The following DDX60 variants were observed in gnomAD, a reference collection of about 807,000 sequenced individuals.
DDX60 encodes probable ATP-dependent RNA helicase DDX60.
Under a neutral mutation model 212.8 loss-of-function variants are expected in DDX60, and 165 were observed. The observed-to-expected ratio is 0.78, with a 90% CI of 0.68 to 0.88. DDX60 has a LOEUF of 0.88. Ranked by LOEUF, DDX60 falls within the 40% of genes least tolerant of loss-of-function variation. The pLI, the probability that DDX60 is intolerant of heterozygous loss-of-function variation, is 0.00. For missense variants in DDX60, 1,905 were observed against 2,003.9 expected (o/e 0.95, Z 0.94); for synonymous variants, 703 against 685.3 (o/e 1.03, Z -0.40).
chr4:168,297,384 GAAAGAAAGAAAGAAAGAAAGA>G (rs1736446103), intron 6 of DDX60, among the ~76,000 whole-genome samples: 1 of 71,262 alleles, frequency 1.4e-5, no homozygotes, highest in African/African-American at 7.4e-5. Flanking sequence ...GAAAGAAAGA[GAAAGAAAGAAAGAAAGAAAGA>G]CAATAAATAA....
At chr4:168,322,015 T>C (rs187587070), upstream of DDX60, among the ~76,000 whole-genome samples, 1 of 152,316 alleles carries the variant, frequency 6.6e-6, no homozygotes, top group East Asian at 1.9e-4. Context: ...ATCCATTGGC[T>C]ACACTTCTTC....
chr4:168,243,382 A>C (rs1733916345), intron 30 of DDX60, among the ~76,000 whole-genome samples: 1 of 152,218 alleles, frequency 6.6e-6, no homozygotes, highest in Non-Finnish European at 1.5e-5. Context: ...TAATATCCAG[A>C]GTCTACAAGG....
rs533935494 is a variant in DDX60 at position 168,289,433 on chromosome 4, C to CT, written c.1042-1119dup. 2.3e-3 allele frequency among the ~76,000 whole-genome samples: 345 copies of CT among 152,260 alleles called. 1 individual carries two copies. Among genetic ancestry groups the CT allele is most frequent in the African/African-American group, 5.8e-3 (243 of 41,556 alleles). ...TCTTTTGCCACTGTCTCAACCCATA[C>CT]TTAAGTGTTTAATATTGGAATATTT... is the stretch of plus-strand genomic sequence containing the variant. On this transcript the variant is annotated intron_variant, in intron 8 of 37. Coordinates refer to ENST00000393743, the MANE Select transcript of DDX60 (RefSeq NM_017631.6).
rs1342668175 is a variant in DDX60, at chr4:168,306,718, A to C, written c.267T>G (p.Asp89Glu). ...GGQFTIVFFKDAEYAYFNFPE... is the reference protein window; with the variant it reads ...GGQFTIVFFKEAEYAYFNFPE... ...GGAAGTTGAAATACGCATACTCGGCATCCTGTGGAGGAGGAGGTGAAGTAC... is the reference window on the plus strand; with the variant it reads ...GGAAGTTGAAATACGCATACTCGGCCTCCTGTGGAGGAGGAGGTGAAGTAC... Residue 89 changes from aspartate (D) to glutamate (E), a missense_variant and splice_region_variant, in exon 5 of 38, where the codon GAT becomes GAG. Physicochemically the swap from Asp to Glu is conservative, Grantham distance 45. Transcript: ENST00000393743. 2 of 1,606,750 alleles carry C rather than the reference A, an allele frequency of 1.2e-6. No individual in the cohort carries two copies. Among genetic ancestry groups the C allele is most frequent in the Non-Finnish European group, 1.7e-6 (2 of 1,174,456 alleles).
chr4:168,307,903 T>C (rs920002276), intron 4 of DDX60, 103 bp downstream of exon 4: 2 of 606,432 alleles, frequency 3.3e-6, no homozygotes, highest in African/African-American at 1.9e-5. Flanking sequence ...TGAACTTTTA[T>C]AGATATAATC....
At chr4:168,223,057 G>C (rs1362314005) in intron 35 of DDX60, among the ~76,000 whole-genome samples, 1 of 151,868 alleles carries the variant, frequency 6.6e-6, no homozygotes, top group Non-Finnish European at 1.5e-5. Flanking sequence ...AAATTCAAAA[G>C]CAAATTAATA....
chr4:168,269,053 T>G, intron 19 of DDX60, 84 bp from the exon 20 acceptor site: 1 of 692,926 alleles, frequency 1.4e-6, no homozygotes, highest in Non-Finnish European at 2.4e-6. Flanking sequence ...ATCTTGAAAT[T>G]GTCATGCATG....
chr4:168,229,317 G>C (rs761771721), intron 33 of DDX60, among the ~76,000 whole-genome samples: 13 of 152,086 alleles, frequency 8.5e-5, no homozygotes, highest in Non-Finnish European at 1.5e-4. Flanking sequence ...TGAAATATAG[G>C]TGTAGAGGAA....
intron 6 of DDX60, among the ~76,000 whole-genome samples, chr4:168,298,565 A>G (rs1336773073): frequency 2.0e-5 from 3 of 152,216 alleles, no homozygotes; most frequent in Non-Finnish European, 4.4e-5. Context: ...AAATTATCCA[A>G]CATATGCATG....
intron 1 of DDX60, among the ~76,000 whole-genome samples, chr4:168,314,373 C>CA (rs1273129963): frequency 2.6e-5 from 4 of 151,516 alleles, no homozygotes; most frequent in Non-Finnish European, 5.9e-5. Context: ...TTGAGGCACA[C>CA]AAAAAAAGCA....
At position 168,261,060 on chromosome 4, in the gene DDX60, A is replaced by G. The variant is rs1478032730; in HGVS notation, c.3274-71T>C. On this transcript the variant is annotated intron_variant, in intron 24 of 37. Transcript: ENST00000393743. The stretch of plus-strand genomic sequence containing the variant: ...AAAGAAATTACTACTTTTTGCTAAA[A>G]TATTTTCATAGTTGTCTAATATATG... The G allele has an allele frequency of 2.0e-6, 3 of 1,488,284 alleles. No homozygotes were observed. The East Asian group carries it at 6.9e-5, about 34-fold the overall frequency. The allele number at this position is 1,488,284 out of a possible 1,614,324, so 92.2% of individuals were successfully genotyped here. A position where few individuals can be genotyped will look rare whatever the true frequency, so the allele number is the denominator to read the frequency against.
At position 168,250,978 on chromosome 4, in the gene DDX60, G is replaced by A. The variant is rs762448298; in HGVS notation, c.3834C>T (p.Ile1278=). ...CCCTAAGATATCCTTTTCTAAAGAGGATTTCAACTAATTGTTTTTCTTTGA... is the reference window on the plus strand; with the variant it reads ...CCCTAAGATATCCTTTTCTAAAGAGAATTTCAACTAATTGTTTTTCTTTGA... ...MSFKEKQLVE[I]LFRKGYLRVV... Residue 1278 remains isoleucine, a synonymous_variant, in exon 28 of 38, where the codon ATC becomes ATT. Coordinates refer to ENST00000393743, the MANE Select transcript of DDX60 (RefSeq NM_017631.6). The A allele has an allele frequency of 1.9e-6, 3 of 1,603,200 alleles. No homozygotes were observed. The highest frequency in any genetic ancestry group is 2.2e-5 in the East Asian group (1 of 44,610).
At chr4:168,235,122 T>A (rs1181218242) in intron 33 of DDX60, among the ~76,000 whole-genome samples, 1 of 152,038 alleles carries the variant, frequency 6.6e-6, no homozygotes, top group Non-Finnish European at 1.5e-5. Context: ...CAGATCCTTT[T>A]CTCTAGTGAG....
intron 35 of DDX60, 83 bp downstream of exon 35, chr4:168,224,160 C>T (rs1045391637): frequency 1.6e-5 from 24 of 1,482,016 alleles, no homozygotes; most frequent in Non-Finnish European, 2.1e-5. Context: ...CTGGGAAATT[C>T]GAAGTTCTTT....
At chr4:168,258,095 T>C (rs952941360) in intron 25 of DDX60, among the ~76,000 whole-genome samples, 1 of 152,230 alleles carries the variant, frequency 6.6e-6, no homozygotes, top group African/African-American at 2.4e-5. Flanking sequence ...CTTCATGCTC[T>C]CTCAGCTCCA....
At position 168,306,641 on chromosome 4, in the gene DDX60, G is replaced by A. The variant is rs1304142243; in HGVS notation, c.344C>T (p.Thr115Ile). ...TALILHLQKN[T>I]TIDVRTTFSR... is the part of the protein sequence containing the mutation. ...AAATGTTGTTCGAACATCAATGGTGGTATTCTTCTGAAGATGAAGAATTAA... is the reference window on the plus strand; with the variant it reads ...AAATGTTGTTCGAACATCAATGGTGATATTCTTCTGAAGATGAAGAATTAA... Residue 115 changes from threonine (T) to isoleucine (I), a missense_variant, in exon 5 of 38, where the codon ACC (threonine) becomes ATC (isoleucine). Transcript: ENST00000393743. 1.2e-5 allele frequency: 19 copies of A among 1,613,938 alleles called. No homozygotes were observed. The highest frequency in any genetic ancestry group is 1.6e-5 in the Non-Finnish European group (19 of 1,179,970).
upstream of DDX60, among the ~76,000 whole-genome samples, chr4:168,322,172 A>G (rs1192493154): frequency 6.6e-6 from 1 of 152,226 alleles, no homozygotes; most frequent in Non-Finnish European, 1.5e-5. Context: ...GTTCAGCATT[A>G]GAAAGATAGT....
intron 33 of DDX60, among the ~76,000 whole-genome samples, chr4:168,230,508 A>G (rs1008263288): frequency 1.3e-5 from 2 of 152,134 alleles, no homozygotes; most frequent in African/African-American, 4.8e-5. Flanking sequence ...ACAGTGGAAT[A>G]AAATTGGAAA....
At chr4:168,248,988 G>A (rs868327889) in intron 28 of DDX60, among the ~76,000 whole-genome samples, 21 of 152,204 alleles carry the variant, frequency 1.4e-4, no homozygotes, top group African/African-American at 2.9e-4. Flanking sequence ...TTGAACTCCC[G>A]ACCTCAGCTG....
Sources: allele counts gnomAD v4.1 joint callset (sites outside exome capture counted in the v4.1 genomes callset), GRCh38; gene constraint gnomAD v4.1.1; transcripts MANE v1.5; gene names NCBI Gene and HGNC (gene_info 2026-07-23, HGNC 2026-07-21).